Variants in SNRNP27 observed in about 807,000 individuals in gnomAD.
The protein encoded by SNRNP27 is U4/U6.U5 small nuclear ribonucleoprotein 27 kDa protein.
A neutral mutation model predicts 25.1 loss-of-function variants in SNRNP27; 22 were observed. That is an observed-to-expected ratio of 0.88 (90% CI 0.63 to 1.25). SNRNP27 has a LOEUF of 1.25. SNRNP27 is among the 50% of genes most tolerant of loss of function. SNRNP27 has a pLI of 0.00. For synonymous variants in SNRNP27, 66 were observed against 64.9 expected (o/e 1.02, Z -0.08); for missense variants, 150 against 202.3 (o/e 0.74, Z 1.57).
At chr2:69,904,089 G>A (rs1279811460) in intron 5 of SNRNP27, among the ~76,000 whole-genome samples, 165 bp from the exon 6 acceptor site, 2 of 151,474 alleles carry the variant, frequency 1.3e-5, no homozygotes, top group Non-Finnish European at 2.9e-5. Flanking sequence ...TATTTTGAAA[G>A]TAAAATAATC....
intron 1 of SNRNP27, 22 bp from the exon 2 acceptor site, chr2:69,895,072 A>G: frequency 6.2e-7 from 1 of 1,611,218 alleles, no homozygotes; most frequent in Non-Finnish European, 8.5e-7. Context: ...TCAGTTCTGC[A>G]ATTTGTGTGC....
At chr2:69,896,657 T>C (rs1676607338) in intron 3 of SNRNP27, 109 bp downstream of exon 3, 1 of 1,121,970 alleles carries the variant, frequency 8.9e-7, no homozygotes, top group Admixed American at 3.0e-5. Context: ...TCATTGCATA[T>C]GGTTTTGAGT....
chr2:69,894,342 TCA>T (rs1489524775), intron 1 of SNRNP27, among the ~76,000 whole-genome samples: 2 of 152,232 alleles, frequency 1.3e-5, no homozygotes, highest in Middle Eastern at 3.2e-3. Flanking sequence ...GGTGGGCAAG[TCA>T]CTACTCAGCC....
chr2:69,900,204 T>C (rs1230263245), intron 4 of SNRNP27, among the ~76,000 whole-genome samples: 1 of 152,322 alleles, frequency 6.6e-6, no homozygotes, highest in African/African-American at 2.4e-5. Context: ...TGCAATTACT[T>C]CAATAACATT....
chr2:69,897,538 A>C (rs957804009), intron 4 of SNRNP27, 82 bp downstream of exon 4: 1 of 1,122,452 alleles, frequency 8.9e-7, no homozygotes, highest in South Asian at 1.3e-5. Flanking sequence ...CATTTATACA[A>C]ATTTATTTGG....
chr2:69,894,901 C>G (rs1392090522), intron 1 of SNRNP27, among the ~76,000 whole-genome samples, 193 bp from the exon 2 acceptor site: 1 of 152,094 alleles, frequency 6.6e-6, no homozygotes, highest in Non-Finnish European at 1.5e-5. Context: ...AGGCTGGTCT[C>G]GAACTCCTGA....
intron 2 of SNRNP27, among the ~76,000 whole-genome samples, chr2:69,895,729 T>G (rs1676588981): frequency 6.6e-6 from 1 of 152,140 alleles, no homozygotes; most frequent in Admixed American, 6.5e-5. Flanking sequence ...CAGCTAATTT[T>G]TTTTGTATTT....
intron 5 of SNRNP27, among the ~76,000 whole-genome samples, chr2:69,904,042 C>T (rs188196714): frequency 4.1e-4 from 63 of 152,044 alleles, no homozygotes; most frequent in African/African-American, 1.5e-3. Context: ...TTCAATACTG[C>T]TATCTGGAGT....
At chr2:69,902,103 A>T (rs1253523065) in intron 4 of SNRNP27, among the ~76,000 whole-genome samples, 2 of 150,832 alleles carry the variant, frequency 1.3e-5, no homozygotes, top group Non-Finnish European at 2.9e-5. Context: ...TTAATTGCTT[A>T]TACACGATTG....
chr2:69,896,123 T>C (rs190054544), intron 2 of SNRNP27, among the ~76,000 whole-genome samples: 100 of 152,278 alleles, frequency 6.6e-4, no homozygotes, highest in Admixed American at 1.6e-3. Flanking sequence ...TGAGTCTTAA[T>C]AACCATCAAT....
At chr2:69,900,828 G>C (rs953388460) in intron 4 of SNRNP27, among the ~76,000 whole-genome samples, 1 of 152,150 alleles carries the variant, frequency 6.6e-6, no homozygotes, top group Non-Finnish European at 1.5e-5. Context: ...GAAGCTTGCA[G>C]TCTCATAGGG....
chr2:69,897,797 A>G, intron 4 of SNRNP27: 1 of 190,548 alleles, frequency 5.2e-6, no homozygotes, highest in East Asian at 1.4e-4. Flanking sequence ...ACCAGGGATA[A>G]AGGGGTGCTG....
chr2:69,902,187 CTCCTCCTTCCTCCT>C lies in SNRNP27; in HGVS notation c.349-979_349-966del, dbSNP rs67515103. On this transcript the variant is annotated intron_variant, in intron 4 of 5. Transcript: ENST00000244227. Reference sequence around the variant, plus strand: ...GAAATTATCTCTGCCTCATTGGACTCTCCTCCTTCCTCCTTCCTCCTTCCTCCTCCCTCCTTCCT... The same window carrying C: ...GAAATTATCTCTGCCTCATTGGACTCTCCTCCTTCCTCCTCCCTCCTTCCT... 6.7e-5 allele frequency among the ~76,000 whole-genome samples: 10 copies of C among 149,436 alleles called. No individual in the cohort carries two copies. The East Asian group carries it at 1.8e-3, about 27-fold the overall frequency.
At position 69,897,447 on chromosome 2, in the gene SNRNP27, C is replaced by CT. The variant is rs761070629; in HGVS notation, c.340dup (p.Ser114PhefsTer5). 1.2e-6 allele frequency: 2 copies of CT among 1,611,654 alleles called. No homozygotes were observed. Among genetic ancestry groups the CT allele is most frequent in the Admixed American group, 3.3e-5 (2 of 59,964 alleles). On this transcript the variant is annotated frameshift_variant, in exon 4 of 6. Transcript: ENST00000244227. LOFTEE classifies it high-confidence loss of function. ...AGTTAATGGGATTTGCCTCCTTTGACTCCACAAAAGTAAGTAAAACGTGCA... is the reference window on the plus strand; with the variant it reads ...AGTTAATGGGATTTGCCTCCTTTGACTTCCACAAAAGTAAGTAAAACGTGCA...
chr2:69,903,499 A>G (rs945379070), intron 5 of SNRNP27: 1 of 402,462 alleles, frequency 2.5e-6, no homozygotes, highest in Admixed American at 4.2e-5. Context: ...TCAGAAAAGC[A>G]TAATTTCAAG....
chr2:69,896,558 TTAGA>T lies in SNRNP27; in HGVS notation c.268+13_268+16del, dbSNP rs1676605328. ...GAACGGCAGATTACTGGTAATGTTA[TTAGA>T]TAAATAACTGTAGGAAAAGTACAGT... On this transcript the variant is annotated intron_variant, in intron 3 of 5. Coordinates refer to ENST00000244227, the MANE Select transcript of SNRNP27 (RefSeq NM_006857.3). 6.3e-7 allele frequency: 1 copy of T among 1,589,138 alleles called. No individual in the cohort carries two copies. Among genetic ancestry groups the T allele is most frequent in the South Asian group, 1.1e-5 (1 of 89,658 alleles).
intron 4 of SNRNP27, among the ~76,000 whole-genome samples, chr2:69,900,692 G>T (rs1676677468): frequency 6.6e-6 from 1 of 152,108 alleles, no homozygotes; most frequent in Non-Finnish European, 1.5e-5. Context: ...AGGAGGTGGG[G>T]GTCACTTGTA....
chr2:69,897,923 A>T (rs1330629543), intron 4 of SNRNP27, among the ~76,000 whole-genome samples: 4 of 37,236 alleles, frequency 1.1e-4, no homozygotes, highest in African/African-American at 8.7e-4. Context: ...GAGGAGAGGA[A>T]GTAGTGATTT....
chr2:69,900,765 T>C (rs1266494854), intron 4 of SNRNP27, among the ~76,000 whole-genome samples: 1 of 152,232 alleles, frequency 6.6e-6, no homozygotes, highest in Non-Finnish European at 1.5e-5. Flanking sequence ...GGGAGTGCAG[T>C]GACCTAGGAT....
Sources: gnomAD v4.1 joint callset for allele counts (sites outside exome capture counted in the v4.1 genomes callset) on GRCh38, gnomAD v4.1.1 for gene constraint, MANE v1.5 for transcripts, NCBI Gene and HGNC (gene_info 2026-07-23, HGNC 2026-07-21) for gene names.